The following ATAD2B variants were observed in gnomAD, a reference collection of about 807,000 sequenced individuals.
ATAD2B encodes ATPase family AAA domain-containing protein 2B.
A neutral mutation model predicts 167.6 loss-of-function variants in ATAD2B; 40 were observed. That is an observed-to-expected ratio of 0.24 (90% CI 0.19 to 0.31). The LOEUF (loss-of-function observed/expected upper bound fraction) is 0.31, where lower values mean the gene tolerates loss of function less well. Among genes scored for constraint, ATAD2B ranks in the 10% least tolerant of loss-of-function variants. The pLI is 1.00. For missense variants in ATAD2B, 1,242 were observed against 1,757.2 expected (o/e 0.71, Z 5.24); for synonymous variants, 579 against 596.5 (o/e 0.97, Z 0.43).
chr2:23,831,145 C>T (rs1167596785), intron 14 of ATAD2B, among the ~76,000 whole-genome samples: 1 of 152,128 alleles, frequency 6.6e-6, no homozygotes, highest in African/African-American at 2.4e-5. Flanking sequence ...AGTCAAAGGG[C>T]TTCCTCTAAT....
intron 24 of ATAD2B, among the ~76,000 whole-genome samples, chr2:23,760,435 C>G (rs991276006): frequency 6.6e-6 from 1 of 151,880 alleles, no homozygotes; most frequent in Non-Finnish European, 1.5e-5. Context: ...CCGAGGCTGA[C>G]GGATCACTTG....
chr2:23,808,207 AT>A (rs1169732158), intron 18 of ATAD2B, among the ~76,000 whole-genome samples: 8 of 128,500 alleles, frequency 6.2e-5, no homozygotes, highest in Non-Finnish European at 1.1e-4. Flanking sequence ...TTATATAAAA[AT>A]ATATATATAT....
At chr2:23,910,528 G>A (rs1283697092) in intron 1 of ATAD2B, among the ~76,000 whole-genome samples, 1 of 151,730 alleles carries the variant, frequency 6.6e-6, no homozygotes, top group Non-Finnish European at 1.5e-5. Context: ...AGCAATTAAA[G>A]AAAGGCACTT....
chr2:23,752,748 C>T (rs900398612), intron 27 of ATAD2B, among the ~76,000 whole-genome samples: 17 of 151,956 alleles, frequency 1.1e-4, no homozygotes, highest in Non-Finnish European at 2.4e-4. Flanking sequence ...GAAACTTATG[C>T]CAAAAAGCAG....
At chr2:23,780,309 T>C (rs911938550) in intron 22 of ATAD2B, among the ~76,000 whole-genome samples, 4 of 142,934 alleles carry the variant, frequency 2.8e-5, no homozygotes, top group African/African-American at 7.7e-5. Flanking sequence ...GTGTGTTATA[T>C]AAAATAACTT....
At chr2:23,869,823 C>T (rs1695656961) in intron 8 of ATAD2B, 62 bp from the exon 9 acceptor site, 2 of 1,012,728 alleles carry the variant, frequency 2.0e-6, no homozygotes, top group Non-Finnish European at 2.9e-6. Context: ...TTAAAACACA[C>T]TGTAATATCT....
At chr2:23,781,302 G>T (rs1007130214) in intron 22 of ATAD2B, among the ~76,000 whole-genome samples, 5 of 150,990 alleles carry the variant, frequency 3.3e-5, no homozygotes, top group Admixed American at 3.3e-4. Context: ...TCTAAACACA[G>T]ACAAAACATG....
At chr2:23,693,262 C>A in the ATAD2B span, 1 of 1,539,808 alleles carries the variant, frequency 6.5e-7, no homozygotes. Context: ...TGCGCTGTCG[C>A]CCCCAGAGAA....
intron 14 of ATAD2B, among the ~76,000 whole-genome samples, chr2:23,832,832 G>A (rs907999818): frequency 1.3e-5 from 2 of 152,182 alleles, no homozygotes; most frequent in African/African-American, 4.8e-5. Context: ...ATGTACTGAA[G>A]AGTATAAAAG....
chr2:23,822,152 C>T (rs1464587906), intron 16 of ATAD2B, among the ~76,000 whole-genome samples: 1 of 152,236 alleles, frequency 6.6e-6, no homozygotes, highest in African/African-American at 2.4e-5. Context: ...TCCAAAGAAG[C>T]ATTATAGCAA....
the ATAD2B span, chr2:23,703,807 T>G: frequency 3.9e-6 from 6 of 1,537,392 alleles, no homozygotes; most frequent in Admixed American, 9.8e-5. Flanking sequence ...TCTACGACCC[T>G]GAGAAAGGAA....
chr2:23,878,448 G>T (rs2150183891), intron 7 of ATAD2B, among the ~76,000 whole-genome samples: 1 of 151,760 alleles, frequency 6.6e-6, no homozygotes, highest in South Asian at 2.1e-4. Flanking sequence ...CATGAGGTCA[G>T]GAGATCGAGA....
the ATAD2B span, among the ~76,000 whole-genome samples, chr2:23,692,779 A>C: frequency 6.6e-6 from 1 of 152,146 alleles, no homozygotes; most frequent in Admixed American, 6.5e-5. Context: ...GATGGACCCC[A>C]GAGCCTAGCG....
the ATAD2B span, among the ~76,000 whole-genome samples, chr2:23,709,536 A>T: frequency 6.6e-6 from 1 of 151,898 alleles, no homozygotes; most frequent in Admixed American, 6.6e-5. Context: ...AGTAGTTTAG[A>T]TTTCACAGAT....
At chr2:23,838,940 CATTT>C (rs1690446634) in intron 13 of ATAD2B, among the ~76,000 whole-genome samples, 1 of 152,076 alleles carries the variant, frequency 6.6e-6, no homozygotes, top group Admixed American at 6.5e-5. Context: ...TATTTCTTTC[CATTT>C]ATTTAATCTT....
chr2:23,898,053 T>C (rs1370746988), intron 1 of ATAD2B, among the ~76,000 whole-genome samples: 13 of 152,202 alleles, frequency 8.5e-5, no homozygotes. Context: ...CAAGCAATCC[T>C]CTAGCTTCAG....
intron 1 of ATAD2B, among the ~76,000 whole-genome samples, chr2:23,896,988 G>T (rs1177829004): frequency 1.3e-5 from 2 of 152,124 alleles, no homozygotes; most frequent in East Asian, 3.9e-4. Context: ...TAAAAAGCCA[G>T]GTGTGGTGGT....
intron 8 of ATAD2B, among the ~76,000 whole-genome samples, chr2:23,871,929 G>A (rs1696041275): frequency 6.6e-6 from 1 of 152,094 alleles, no homozygotes; most frequent in Non-Finnish European, 1.5e-5. Flanking sequence ...CCCGGCTAGA[G>A]TGCAATGGCG....
intron 1 of ATAD2B, among the ~76,000 whole-genome samples, chr2:23,912,378 A>G (rs1452344242): frequency 1.3e-5 from 2 of 152,026 alleles, no homozygotes; most frequent in Non-Finnish European, 2.9e-5. Context: ...CTGGTGGCAC[A>G]CACCTGTAGT....
Sources: allele counts gnomAD v4.1 joint callset (sites outside exome capture counted in the v4.1 genomes callset), GRCh38; gene constraint gnomAD v4.1.1; transcripts MANE v1.5; gene names NCBI Gene and HGNC (gene_info 2026-07-23, HGNC 2026-07-21).